Variants in ATP11A observed in about 807,000 individuals in gnomAD.
ATP11A encodes the protein phospholipid-transporting ATPase IH.
In ATP11A, 81 loss-of-function variants were observed where a neutral mutation model predicts 154.4. That is an observed-to-expected ratio of 0.52 (90% CI 0.44 to 0.63). ATP11A has a LOEUF of 0.63. Ranked by LOEUF, ATP11A falls within the 30% of genes least tolerant of loss-of-function variation. ATP11A has a pLI of 0.00. For missense variants in ATP11A, 1,316 were observed against 1,474.3 expected (o/e 0.89, Z 1.76); for synonymous variants, 623 against 585.9 (o/e 1.06, Z -0.91).
intron 1 of ATP11A, among the ~76,000 whole-genome samples, chr13:112,759,496 A>C (rs567052872): frequency 4.6e-5 from 7 of 152,234 alleles, no homozygotes; most frequent in Non-Finnish European, 8.8e-5. Context: ...GATGTAACAA[A>C]TTCAGCCAGC....
At chr13:112,709,613 T>C (rs1887516290) in intron 1 of ATP11A, among the ~76,000 whole-genome samples, 1 of 152,270 alleles carries the variant, frequency 6.6e-6, no homozygotes, top group Admixed American at 6.5e-5. Context: ...GGTCTTCAGA[T>C]AAACTCAACC....
chr13:112,740,198 G>C (rs1451353966), intron 1 of ATP11A, among the ~76,000 whole-genome samples: 1 of 147,364 alleles, frequency 6.8e-6, no homozygotes, highest in Non-Finnish European at 1.5e-5. Context: ...ATATTTTTTT[G>C]AGACGGAGTC....
rs138856735 is a variant in ATP11A at position 112,854,251 on chromosome 13, A to G, written c.1992-28A>G. The G allele has an allele frequency of 3.0e-3, 4,849 of 1,611,078 alleles. 10 individuals carry two copies. Among genetic ancestry groups the G allele is most frequent in the Non-Finnish European group, 3.8e-3 (4,443 of 1,178,366 alleles). On this transcript the variant is annotated intron_variant, in intron 18 of 29. Transcript: ENST00000375645. ...CCTGGGTCAGCACTGACTTTTCTCT[A>G]TGCTGTGTTTGGTTTTGCCTCCCTC...
At position 112,858,141 on chromosome 13, in the gene ATP11A, C is replaced by T. The variant is rs2297798; in HGVS notation, c.2522-4C>T. ...TCTTCAGCTCCTTCACCTCCGTCTT[C>T]TAGGTGTCATCGGCAAGGAAGGCCG... On this transcript the variant is annotated splice_polypyrimidine_tract_variant and splice_region_variant and intron_variant, in intron 21 of 29. Coordinates refer to ENST00000375645, the MANE Select transcript of ATP11A (RefSeq NM_015205.3). 6.7e-3 allele frequency: 10,774 copies of T among 1,613,210 alleles called. 211 individuals carry two copies. The East Asian group carries it at 0.071, about 11-fold the overall frequency.
intron 15 of ATP11A, 79 bp from the exon 16 acceptor site, chr13:112,836,099 G>T: frequency 9.2e-7 from 1 of 1,084,554 alleles, no homozygotes; most frequent in Non-Finnish European, 1.4e-6. Context: ...CCATTCTGCT[G>T]TGGAGAGCTC....
Position 112,882,394 on chromosome 13 carries a change from G to A in ATP11A, c.*528G>A, listed in dbSNP as rs528298550. ...CCACATGTGGATGCCACATGCTGCT[G>A]TTTCCTGCTTGCCCGGCCACCACCC... On this transcript the variant is annotated 3_prime_UTR_variant, in exon 30 of 30. Transcript: ENST00000375645. The surrounding 1 kb of genome is among the most constrained non-coding windows in gnomAD (Gnocchi z 5.1). 5 of 387,872 alleles carry A rather than the reference G, an allele frequency of 1.3e-5. No homozygotes were observed. The South Asian group carries it at 1.4e-4, about 11-fold the overall frequency. 24.0% of individuals were successfully genotyped at this position (387,872 alleles called of 1,614,324 possible).
Position 112,766,079 on chromosome 13 carries a change from A to G in ATP11A, c.40-19056A>G, listed in dbSNP as rs530440670. 3.9e-5 allele frequency among the ~76,000 whole-genome samples: 6 copies of G among 152,114 alleles called. No individual in the cohort carries two copies. The South Asian group carries it at 1.2e-3, about 32-fold the overall frequency. On this transcript the variant is annotated intron_variant, in intron 1 of 29. Coordinates refer to ENST00000375645, the MANE Select transcript of ATP11A (RefSeq NM_015205.3). ...TGACGCAGCGTTTTCCGATGTGCCC[A>G]CCTGCTTGAGGAAGGAATAGTGGTG...
intron 1 of ATP11A, among the ~76,000 whole-genome samples, chr13:112,725,045 G>A (rs372531553): frequency 7.9e-5 from 12 of 152,180 alleles, no homozygotes; most frequent in African/African-American, 2.9e-4. Flanking sequence ...GCCCGGTGTG[G>A]GACCAACAGC....
chr13:112,732,124 G>A (rs1323536207), intron 1 of ATP11A, among the ~76,000 whole-genome samples: 2 of 152,262 alleles, frequency 1.3e-5, no homozygotes, highest in East Asian at 1.9e-4. Context: ...TTTTAGGGAC[G>A]TGGCAATAAC....
At chr13:112,819,529 A>G (rs1158918637) in intron 7 of ATP11A, 122 bp downstream of exon 7, 9 of 784,406 alleles carry the variant, frequency 1.1e-5, no homozygotes, top group Non-Finnish European at 1.7e-5. Flanking sequence ...ATCACTGCTT[A>G]AAGATTAAGA....
intron 15 of ATP11A, among the ~76,000 whole-genome samples, chr13:112,835,959 C>T (rs2079222511): frequency 6.6e-6 from 1 of 152,172 alleles, no homozygotes; most frequent in South Asian, 2.1e-4. Context: ...GCCACAGGGC[C>T]CAGACTCTGC....
At chr13:112,734,228 G>C (rs1186608475) in intron 1 of ATP11A, among the ~76,000 whole-genome samples, 2 of 152,244 alleles carry the variant, frequency 1.3e-5, no homozygotes, top group East Asian at 1.9e-4. Context: ...GAGCTCAGCT[G>C]TTCCCCTGCT....
At chr13:112,740,148 C>CTCTA (rs1454988788) in intron 1 of ATP11A, among the ~76,000 whole-genome samples, 269 of 137,872 alleles carry the variant, frequency 2.0e-3, no homozygotes, top group Non-Finnish European at 2.0e-3. Flanking sequence ...CTCTCTCTCT[C>CTCTA]TATATATATA....
intron 1 of ATP11A, among the ~76,000 whole-genome samples, chr13:112,758,925 A>T (rs953194216): frequency 3.3e-5 from 5 of 152,250 alleles, no homozygotes; most frequent in Non-Finnish European, 7.3e-5. Flanking sequence ...TAGAACGTAC[A>T]GTTTTGTAGC....
chr13:112,783,337 CCA>C (rs1430180331), intron 1 of ATP11A, among the ~76,000 whole-genome samples: 2 of 152,188 alleles, frequency 1.3e-5, no homozygotes, highest in African/African-American at 4.8e-5. Context: ...GAGGGGCAGC[CCA>C]CACAGAGAGG....
At chr13:112,852,796 C>T (rs1396829780) in intron 18 of ATP11A, among the ~76,000 whole-genome samples, 3 of 146,528 alleles carry the variant, frequency 2.0e-5, no homozygotes, top group African/African-American at 7.6e-5. Context: ...GGGGGGGGAT[C>T]TCAGTGGCTT....
rs984682119 is a variant in ATP11A at position 112,867,820 on chromosome 13, T to C, written c.2992-3915T>C. Among the ~76,000 whole-genome samples the C allele has an allele frequency of 1.1e-4, 17 of 152,320 alleles. No homozygotes were observed. In the East Asian group the frequency reaches 3.3e-3, roughly 29 times the overall value. On this transcript the variant is annotated intron_variant, in intron 25 of 29. Coordinates refer to ENST00000375645, the MANE Select transcript of ATP11A (RefSeq NM_015205.3). ...AGTGGCTGACAGCCCTCTTGGTCCT[T>C]ACGTAGCAATTTGGGGTTGGGGTGC...
intron 1 of ATP11A, among the ~76,000 whole-genome samples, chr13:112,765,524 C>T (rs565303150): frequency 1.3e-5 from 2 of 152,368 alleles, no homozygotes; most frequent in African/African-American, 2.4e-5. Flanking sequence ...AAGAAGCGGC[C>T]TCTGAACGAG....
At chr13:112,740,469 G>A (rs774115764) in intron 1 of ATP11A, among the ~76,000 whole-genome samples, 4 of 152,180 alleles carry the variant, frequency 2.6e-5, no homozygotes, top group African/African-American at 7.2e-5. Flanking sequence ...CTACTGTCTC[G>A]GCCCAAATCT....
Sources: gnomAD v4.1 joint callset for allele counts (sites outside exome capture counted in the v4.1 genomes callset) on GRCh38, gnomAD v4.1.1 for gene constraint, Gnocchi (gnomAD v3.1) non-coding constraint, MANE v1.5 for transcripts, NCBI Gene and HGNC (gene_info 2026-07-23, HGNC 2026-07-21) for gene names.